EPHA10: variants seen among roughly 807,000 people sequenced by gnomAD.
EPHA10 encodes EPH receptor A10.
EPHA10 carries 120 observed loss-of-function variants against 109.7 expected under a neutral mutation model. That is an observed-to-expected ratio of 1.09 (90% CI 0.94 to 1.27). EPHA10 has a LOEUF of 1.27. Among genes scored for constraint, EPHA10 ranks in the 50% most tolerant of loss-of-function variants. EPHA10 has a pLI of 0.00. For missense variants in EPHA10, 1,396 were observed against 1,411.1 expected (o/e 0.99, Z 0.17); for synonymous variants, 640 against 618.9 (o/e 1.03, Z -0.51).
At chr1:37,755,957 C>T (rs1340925626) in intron 3 of EPHA10, among the ~76,000 whole-genome samples, 5 of 152,184 alleles carry the variant, frequency 3.3e-5, no homozygotes, top group Non-Finnish European at 7.3e-5. Context: ...TCAGGAGGAA[C>T]TTTCAGCCTG....
At chr1:37,761,122 G>T in intron 3 of EPHA10, 6 of 1,174,036 alleles carry the variant, frequency 5.1e-6, no homozygotes, top group Non-Finnish European at 6.5e-6. Flanking sequence ...TTCCTTTATT[G>T]CCATGAAAAT....
chr1:37,716,430 C>A lies in EPHA10; in HGVS notation c.*1942G>T, dbSNP rs1056998939. The A allele has an allele frequency of 3.4e-5, 8 of 233,858 alleles. No individual in the cohort carries two copies. Among genetic ancestry groups the A allele is most frequent in the Admixed American group, 1.7e-4 (3 of 17,754 alleles). 14.5% of individuals were successfully genotyped at this position (233,858 alleles called of 1,614,324 possible). A position where few individuals can be genotyped will look rare whatever the true frequency, so the allele number is the denominator to read the frequency against. On this transcript the variant is annotated 3_prime_UTR_variant, in exon 17 of 17. Coordinates refer to ENST00000373048, the MANE Select transcript of EPHA10 (RefSeq NM_001099439.2). ...GGCTTCCCAGGAGGGGTGGGGAAGG[C>A]GGATCCTGGAGGGCACCTGGCCGGG...
intron 13 of EPHA10, 137 bp downstream of exon 13, chr1:37,720,214 T>A (rs1645766442): frequency 7.2e-7 from 1 of 1,384,758 alleles, no homozygotes; most frequent in South Asian, 1.4e-5. Flanking sequence ...GACCTCAAGG[T>A]GGGGTTCACT....
At chr1:37,749,151 G>A (rs1267466510) in intron 5 of EPHA10, among the ~76,000 whole-genome samples, 1 of 150,838 alleles carries the variant, frequency 6.6e-6, no homozygotes, top group Non-Finnish European at 1.5e-5. Context: ...TCAAACTCCT[G>A]ACCTCAAACG....
At position 37,741,263 on chromosome 1, in the gene EPHA10, T is replaced by C. The variant is rs537222243; in HGVS notation, c.1358-5873A>G. 1.4e-4 allele frequency among the ~76,000 whole-genome samples: 22 copies of C among 152,358 alleles called. No homozygotes were observed. The South Asian group carries it at 4.4e-3, about 30-fold the overall frequency. On this transcript the variant is annotated intron_variant, in intron 5 of 16. Coordinates refer to ENST00000373048, the MANE Select transcript of EPHA10 (RefSeq NM_001099439.2). ...AGCAAGAGGAGCTGGCGCTGGGCCA[T>C]GTCTTACGCTGAGAGGAGACAACAG...
intron 8 of EPHA10, 123 bp from the exon 9 acceptor site, chr1:37,723,495 C>A: frequency 9.2e-7 from 1 of 1,088,948 alleles, no homozygotes; most frequent in Non-Finnish European, 1.3e-6. Flanking sequence ...GGGGAGGGAA[C>A]TTCTTGTCCA....
In EPHA10 at chr1:37,718,103, G is replaced by C. The variant is rs1227714536; in HGVS notation, c.*269C>G. 2 of 456,334 alleles carry C rather than the reference G, an allele frequency of 4.4e-6. No individual in the cohort carries two copies. The highest frequency in any genetic ancestry group is 7.5e-5 in the South Asian group (2 of 26,764). The allele number at this position is 456,334 out of a possible 1,614,324, so 28.3% of individuals were successfully genotyped here. A position where few individuals can be genotyped will look rare whatever the true frequency, so the allele number is the denominator to read the frequency against. On this transcript the variant is annotated 3_prime_UTR_variant, in exon 17 of 17. Transcript: ENST00000373048. Reference sequence around the variant, plus strand: ...TGCCCCAGCTTTTCTCTGAGACCCCGAATTTCCTCCTGCTGTTATCTCAGG... The same window carrying C: ...TGCCCCAGCTTTTCTCTGAGACCCCCAATTTCCTCCTGCTGTTATCTCAGG...
Position 37,718,395 on chromosome 1 carries a change from G to C in EPHA10, c.3004C>G (p.Gln1002Glu). Residue 1002 changes from glutamine (Q) to glutamate (E), a missense_variant, in exon 17 of 17, where the codon CAG becomes GAG. Physicochemically the swap from Gln to Glu is conservative, Grantham distance 29 (BLOSUM62 2). Transcript: ENST00000373048. ...SALQARVLQL[Q>E]GQGVQV is the part of the protein sequence containing the mutation. ...ACTCACACCTGCACCCCCTGGCCCT[G>C]CAGCTGGAGCACTCGTGCCTGCAGG... 1 of 1,611,962 alleles carries C rather than the reference G, an allele frequency of 6.2e-7. No homozygotes were observed. The highest frequency in any genetic ancestry group is 8.5e-7 in the Non-Finnish European group (1 of 1,179,288).
chr1:37,754,492 G>T lies in EPHA10; in HGVS notation c.851-122C>A. ...GATAGAAAAACAGTCAGGGGACTCA[G>T]CCACTCCAGTCAGCACTGCCCCGTG... On this transcript the variant is annotated intron_variant, in intron 3 of 16. Coordinates refer to ENST00000373048, the MANE Select transcript of EPHA10 (RefSeq NM_001099439.2). This position sits in a 1 kb window ranked among gnomAD's most constrained non-coding sequence, Gnocchi z 4.5. The T allele has an allele frequency of 3.2e-6, 3 of 939,046 alleles. No individual in the cohort carries two copies. The highest frequency in any genetic ancestry group is 2.8e-6 in the Non-Finnish European group (2 of 715,722). The allele number at this position is 939,046 out of a possible 1,614,324, so 58.2% of individuals were successfully genotyped here.
intron 6 of EPHA10, among the ~76,000 whole-genome samples, chr1:37,734,118 A>G (rs1008121678): frequency 6.6e-6 from 1 of 152,256 alleles, no homozygotes; most frequent in African/African-American, 2.4e-5. Context: ...GGAGTCCCTC[A>G]TGTCATTGAG....
intron 5 of EPHA10, among the ~76,000 whole-genome samples, chr1:37,750,866 A>G (rs115087345): frequency 0.016 from 2,335 of 149,830 alleles, 59 homozygotes; most frequent in African/African-American, 0.054. Context: ...TTTTCCCGGG[A>G]AAAAAAAAAG....
rs995825102 is a variant in EPHA10, at chr1:37,764,350, C to T, written c.106+611G>A. The stretch of plus-strand genomic sequence containing the variant: ...TATGACGCCTCTGGATTCAACTGAG[C>T]GTATAGCTCCCCTAAATGCACAATC... On this transcript the variant is annotated intron_variant, in intron 1 of 16. Coordinates refer to ENST00000373048, the MANE Select transcript of EPHA10 (RefSeq NM_001099439.2). This position sits in a 1 kb window ranked among gnomAD's most constrained non-coding sequence, Gnocchi z 5.8. Among the ~76,000 whole-genome samples, 41 of 152,216 alleles carry T rather than the reference C, an allele frequency of 2.7e-4. No homozygotes were observed. The highest frequency in any genetic ancestry group is 4.4e-4 in the Non-Finnish European group (30 of 68,034).
chr1:37,720,458 G>A lies in EPHA10; in HGVS notation c.2305C>T (p.Arg769Trp), dbSNP rs375914578. The change falls in exon 13 of 17, where the codon CGG becomes TGG. Residue 769 changes from arginine to tryptophan, a missense_variant. Coordinates refer to ENST00000373048, the MANE Select transcript of EPHA10 (RefSeq NM_001099439.2). Reference protein sequence around the residue: ...KYLSEMGYVHRGLAARHVLVS... With the variant: ...KYLSEMGYVHWGLAARHVLVS... ...AGCACATGGCGAGCTGCCAGGCCCC[G>A]GTGAACGTAGCCCATCTCTGACAGA... 8.7e-5 allele frequency: 141 copies of A among 1,613,450 alleles called. 1 individual carries two copies. The highest frequency in any genetic ancestry group is 1.5e-4 in the South Asian group (14 of 91,078).
At chr1:37,722,574 C>T (rs1209125229) in intron 10 of EPHA10, among the ~76,000 whole-genome samples, 2 of 152,180 alleles carry the variant, frequency 1.3e-5, no homozygotes, top group East Asian at 3.9e-4. Context: ...GTGAGGAGTG[C>T]TGGGAGTTCC....
At chr1:37,727,377 C>A (rs1057178190) in intron 7 of EPHA10, among the ~76,000 whole-genome samples, 167 bp from the exon 8 acceptor site, 1 of 152,232 alleles carries the variant, frequency 6.6e-6, no homozygotes, top group Non-Finnish European at 1.5e-5. Flanking sequence ...ACCACAGTGG[C>A]ACCTGGAGTC....
intron 10 of EPHA10, chr1:37,722,816 G>C (rs1256002891): frequency 2.9e-6 from 2 of 688,464 alleles, no homozygotes; most frequent in Admixed American, 2.0e-5. Context: ...TTGAGGACCA[G>C]GAGAGGGTCA....
At chr1:37,732,594 T>A (rs1646002685) in intron 6 of EPHA10, among the ~76,000 whole-genome samples, 1 of 152,080 alleles carries the variant, frequency 6.6e-6, no homozygotes, top group Non-Finnish European at 1.5e-5. Context: ...AAGCAGTGGC[T>A]TCAGGACCCA....
chr1:37,745,162 T>A (rs989168995), intron 5 of EPHA10, among the ~76,000 whole-genome samples: 1 of 152,198 alleles, frequency 6.6e-6, no homozygotes, highest in Non-Finnish European at 1.5e-5. Flanking sequence ...GCCAGCCAGT[T>A]TTTTGGCACC....
chr1:37,718,826 AGAG>A lies in EPHA10; in HGVS notation c.2757-13_2757-11del. 1 of 1,604,078 alleles carries A rather than the reference AGAG, an allele frequency of 6.2e-7. No homozygotes were observed. The highest frequency in any genetic ancestry group is 1.1e-5 in the South Asian group (1 of 89,828). ...TAGTGGGGTGGGAGGCCTGCGGGTC[AGAG>A]GAGCTGTGCTCAACCGACAGCTGGG... On this transcript the variant is annotated splice_polypyrimidine_tract_variant and intron_variant, in intron 15 of 16. Transcript: ENST00000373048.
Sources: gnomAD v4.1 joint callset for allele counts (sites outside exome capture counted in the v4.1 genomes callset) on GRCh38, gnomAD v4.1.1 for gene constraint, Gnocchi (gnomAD v3.1) non-coding constraint, MANE v1.5 for transcripts, NCBI Gene and HGNC (gene_info 2026-07-23, HGNC 2026-07-21) for gene names.